The following UGT1A10 variants were observed in gnomAD, a reference collection of about 807,000 sequenced individuals.
UGT1A10 encodes the protein UDP glucuronosyltransferase family 1 member A10.
UGT1A10 carries 49 observed loss-of-function variants against 45.8 expected under a neutral mutation model. The ratio of observed to expected loss-of-function variants is 1.07; its 90% CI spans 0.85 to 1.36. UGT1A10 has a LOEUF of 1.36. Ranked by LOEUF, UGT1A10 falls within the 40% of genes most tolerant of loss-of-function variation. The probability of loss-of-function intolerance (pLI) is 0.00; values close to 1 mark genes in which losing one functional copy is unlikely to be tolerated. For missense variants in UGT1A10, 745 were observed against 668.6 expected (o/e 1.11, Z -1.26); for synonymous variants, 284 against 249.7 (o/e 1.14, Z -1.29).
chr2:233,757,535 AATATATATATAT>A (rs67292694), intron 1 of UGT1A10, among the ~76,000 whole-genome samples: 4 of 88,300 alleles, frequency 4.5e-5, no homozygotes, highest in African/African-American at 5.0e-5. Flanking sequence ...GCCTGTAAGG[AATATATATATAT>A]ATATATATAT....
chr2:233,639,997 G>A (rs1005405618), intron 1 of UGT1A10, among the ~76,000 whole-genome samples: 3 of 152,154 alleles, frequency 2.0e-5, no homozygotes, highest in African/African-American at 7.2e-5. Flanking sequence ...AAAGAATTCA[G>A]GCTTCATCTA....
At chr2:233,672,662 A>G (rs745434750) in intron 1 of UGT1A10, 13 of 1,613,884 alleles carry the variant, frequency 8.1e-6, no homozygotes, top group East Asian at 2.2e-5. Flanking sequence ...ACGGAGTATG[A>G]TCTCTACAGC....
intron 1 of UGT1A10, chr2:233,690,992 C>T: frequency 2.0e-6 from 2 of 994,606 alleles, no homozygotes; most frequent in Non-Finnish European, 2.4e-6. Flanking sequence ...ATATGAGCAA[C>T]AGGATTTTCA....
At chr2:233,684,379 A>G (rs890884071) in intron 1 of UGT1A10, among the ~76,000 whole-genome samples, 17 of 152,160 alleles carry the variant, frequency 1.1e-4, no homozygotes, top group African/African-American at 4.1e-4. Flanking sequence ...CCCTCCATCA[A>G]TTACAGCACC....
chr2:233,726,352 A>G (rs1342546979), intron 1 of UGT1A10, among the ~76,000 whole-genome samples: 1 of 152,162 alleles, frequency 6.6e-6, no homozygotes, highest in Non-Finnish European at 1.5e-5. Context: ...TGATTTATTT[A>G]TTTAAAACAC....
intron 1 of UGT1A10, among the ~76,000 whole-genome samples, chr2:233,700,721 A>G (rs183855349): frequency 6.2e-4 from 94 of 152,090 alleles, no homozygotes; most frequent in African/African-American, 2.1e-3. Context: ...TCTTTTTTTA[A>G]AAATTTTATT....
chr2:233,737,141 C>T (rs2078844514), intron 1 of UGT1A10, among the ~76,000 whole-genome samples: 1 of 152,246 alleles, frequency 6.6e-6, no homozygotes, highest in African/African-American at 2.4e-5. Context: ...GCCTTTTGTT[C>T]AGATATGCCC....
Position 233,772,456 on chromosome 2 carries a change from T to C in UGT1A10, c.1490T>C (p.Leu497Pro), listed in dbSNP as rs763440969. ...ATTGGTTTCCTCTTGGCCGTCGTGCTGACAGTGGCCTTCATCACCTTTAAA... is the reference window on the plus strand; with the variant it reads ...ATTGGTTTCCTCTTGGCCGTCGTGCCGACAGTGGCCTTCATCACCTTTAAA... ...DVIGFLLAVV[L>P]TVAFITFKCC... Residue 497 changes from leucine to proline, a missense_variant, in exon 5 of 5, where the codon CTG (leucine) becomes CCG (proline). Physicochemically the swap from Leu to Pro is moderately conservative, Grantham distance 98. Coordinates refer to ENST00000344644, the MANE Select transcript of UGT1A10 (RefSeq NM_019075.4). The C allele has an allele frequency of 4.3e-6, 7 of 1,614,218 alleles. No individual in the cohort carries two copies. The highest frequency in any genetic ancestry group is 5.9e-6 in the Non-Finnish European group (7 of 1,180,044).
chr2:233,763,099 C>A (rs1698236353), intron 1 of UGT1A10, among the ~76,000 whole-genome samples: 3 of 152,172 alleles, frequency 2.0e-5, no homozygotes. Flanking sequence ...AGGAGAGGCA[C>A]CGAACTTTAT....
At chr2:233,692,087 A>T (rs2075077184) in intron 1 of UGT1A10, 1 of 152,214 alleles carries the variant, frequency 6.6e-6, no homozygotes, top group Admixed American at 6.5e-5. Flanking sequence ...TTGAAGATTG[A>T]TTTGATCACC....
At chr2:233,697,870 T>C (rs568003090) in intron 1 of UGT1A10, among the ~76,000 whole-genome samples, 274 of 152,348 alleles carry the variant, frequency 1.8e-3, no homozygotes, top group African/African-American at 6.4e-3. Context: ...ATTTATTTAA[T>C]GATTTCTTAC....
At chr2:233,672,384 T>G (rs1185171529) in intron 1 of UGT1A10, 5 of 1,614,040 alleles carry the variant, frequency 3.1e-6, no homozygotes, top group Non-Finnish European at 3.4e-6. Context: ...TCGATCCTTT[T>G]GATAACTGTG....
At chr2:233,731,679 T>G (rs2078190648) in intron 1 of UGT1A10, among the ~76,000 whole-genome samples, 1 of 152,262 alleles carries the variant, frequency 6.6e-6, no homozygotes, top group East Asian at 1.9e-4. Flanking sequence ...TAATCCAGTC[T>G]ATCATTGATG....
intron 1 of UGT1A10, among the ~76,000 whole-genome samples, chr2:233,758,359 C>A (rs1696853264): frequency 6.6e-6 from 1 of 152,198 alleles, no homozygotes; most frequent in Non-Finnish European, 1.5e-5. Flanking sequence ...GCAGGAAAGT[C>A]ATAAAATCAT....
At chr2:233,753,850 C>G (rs929195641) in intron 1 of UGT1A10, among the ~76,000 whole-genome samples, 1 of 152,312 alleles carries the variant, frequency 6.6e-6, no homozygotes, top group Non-Finnish European at 1.5e-5. Flanking sequence ...ATATCATTGA[C>G]CAACCACATA....
At chr2:233,734,353 G>A (rs1251475810) in intron 1 of UGT1A10, among the ~76,000 whole-genome samples, 8 of 152,136 alleles carry the variant, frequency 5.3e-5, no homozygotes, top group Non-Finnish European at 1.2e-4. Flanking sequence ...TTGTATTTCT[G>A]TGGGATCGGT....
In UGT1A10 at chr2:233,736,220, T is replaced by C. The variant is rs542508391; in HGVS notation, c.856-30814T>C. On this transcript the variant is annotated intron_variant, in intron 1 of 4. Coordinates refer to ENST00000344644, the MANE Select transcript of UGT1A10 (RefSeq NM_019075.4). ...GGCTTTCCTTGTTTCTTTTTACTCT[T>C]TTTTCTCTAACCTTGTCTTCTCACT... is the stretch of plus-strand genomic sequence containing the variant. Among the ~76,000 whole-genome samples the C allele has an allele frequency of 2.6e-5, 4 of 152,348 alleles. No homozygotes were observed. The East Asian group carries it at 7.7e-4, about 29-fold the overall frequency.
At chr2:233,691,483 T>C in intron 1 of UGT1A10, 1 of 985,676 alleles carries the variant, frequency 1.0e-6, no homozygotes, top group Non-Finnish European at 1.2e-6. Flanking sequence ...GCCAAACTTG[T>C]GGGTGGGAAC....
intron 1 of UGT1A10, among the ~76,000 whole-genome samples, chr2:233,667,819 A>G (rs1241740716): frequency 2.0e-5 from 3 of 152,256 alleles, no homozygotes; most frequent in Non-Finnish European, 4.4e-5. Flanking sequence ...ATGCAAATCA[A>G]AACCACAATG....
Sources: gnomAD v4.1 joint callset for allele counts (sites outside exome capture counted in the v4.1 genomes callset) on GRCh38, gnomAD v4.1.1 for gene constraint, MANE v1.5 for transcripts, NCBI Gene and HGNC (gene_info 2026-07-23, HGNC 2026-07-21) for gene names.